Variants in UBXN7 observed in about 807,000 individuals in gnomAD.
UBXN7 encodes the protein UBX domain protein 7.
UBXN7 carries 9 observed loss-of-function variants against 58.0 expected under a neutral mutation model. The ratio of observed to expected loss-of-function variants is 0.16; its 90% CI spans 0.09 to 0.27. The LOEUF (loss-of-function observed/expected upper bound fraction) is 0.27. UBXN7 is among the 10% of genes least tolerant of loss of function. The probability of loss-of-function intolerance (pLI) is 1.00; values close to 1 mark genes in which losing one functional copy is unlikely to be tolerated. For missense variants in UBXN7, 328 were observed against 599.6 expected (o/e 0.55, Z 4.73); for synonymous variants, 208 against 205.0 (o/e 1.01, Z -0.12).
At chr3:196,417,066 A>T (rs191352862) in intron 1 of UBXN7, among the ~76,000 whole-genome samples, 1 of 152,146 alleles carries the variant, frequency 6.6e-6, no homozygotes, top group Non-Finnish European at 1.5e-5. Context: ...GTAATCCCAG[A>T]ACTTTGGGGG....
chr3:196,404,098 AAG>A (rs2108853366), intron 2 of UBXN7, among the ~76,000 whole-genome samples: 2 of 138,130 alleles, frequency 1.4e-5, no homozygotes, highest in African/African-American at 4.9e-5. Flanking sequence ...AAAAAAGAAA[AAG>A]AAAAAAAAAA....
intron 1 of UBXN7, 107 bp downstream of exon 1, chr3:196,432,220 T>C: frequency 6.8e-7 from 1 of 1,472,090 alleles, no homozygotes; most frequent in South Asian, 1.2e-5. Context: ...ACGGCAGCTG[T>C]GGGTAAAGCC....
rs775123756 is a variant in UBXN7, at chr3:196,371,887, CCTT to C, written c.615+6_615+8del. 527 of 1,608,206 alleles carry C rather than the reference CCTT, an allele frequency of 3.3e-4. No individual in the cohort carries two copies. The highest frequency in any genetic ancestry group is 4.2e-4 in the Non-Finnish European group (496 of 1,178,048). On this transcript the variant is annotated splice_donor_region_variant and intron_variant, in intron 6 of 10. Coordinates refer to ENST00000296328, the MANE Select transcript of UBXN7 (RefSeq NM_015562.2). ...TTCTACAAAACTTCTGATTAACTCT[CCTT>C]CTCACCTGCCAGAAAATGAAATGTT... is the stretch of plus-strand genomic sequence containing the variant.
Position 196,363,350 on chromosome 3 carries a change from G to T in UBXN7, c.835-663C>A, listed in dbSNP as rs567797537. Among the ~76,000 whole-genome samples, 3 of 150,844 alleles carry T rather than the reference G, an allele frequency of 2.0e-5. No individual in the cohort carries two copies. The East Asian group carries it at 5.9e-4, about 30-fold the overall frequency. Reference sequence around the variant, plus strand: ...CACTTCTGGATTCAAGTAAGCATACGCATTTTTTTAAATATCAAAATGAAG... The same window carrying T: ...CACTTCTGGATTCAAGTAAGCATACTCATTTTTTTAAATATCAAAATGAAG... On this transcript the variant is annotated intron_variant, in intron 8 of 10. Transcript: ENST00000296328.
intron 1 of UBXN7, among the ~76,000 whole-genome samples, chr3:196,421,986 G>A (rs1730704163): frequency 6.6e-6 from 1 of 152,050 alleles, no homozygotes; most frequent in East Asian, 1.9e-4. Flanking sequence ...ATCACTTGAG[G>A]CCAGGAGTTC....
chr3:196,390,456 T>C (rs894571290), intron 5 of UBXN7, among the ~76,000 whole-genome samples: 5 of 152,004 alleles, frequency 3.3e-5, no homozygotes, highest in Admixed American at 6.6e-5. Context: ...AAGACTTAAC[T>C]GAAGGCTGGG....
At chr3:196,387,536 C>T (rs554394755) in intron 5 of UBXN7, among the ~76,000 whole-genome samples, 126 of 152,114 alleles carry the variant, frequency 8.3e-4, no homozygotes, top group Admixed American at 2.8e-3. Context: ...TGCAATCTAC[C>T]CATCTGACAA....
At position 196,352,139 on chromosome 3, in the gene UBXN7, T is replaced by C. The variant is rs895175811; in HGVS notation, c.*4546A>G. The C allele has an allele frequency of 2.6e-5, 4 of 152,228 alleles. No individual in the cohort carries two copies. The highest frequency in any genetic ancestry group is 7.2e-5 in the African/African-American group (3 of 41,462). The allele number at this position is 152,228 out of a possible 1,614,324, so 9.4% of individuals were successfully genotyped here. On this transcript the variant is annotated 3_prime_UTR_variant, in exon 11 of 11. Transcript: ENST00000296328. This position sits in a 1 kb window ranked among gnomAD's most constrained non-coding sequence, Gnocchi z 4.1. ...GTTTAAGACTTTGCTAACTAAAACA[T>C]ATTCTTCCCTTTTTCTAAGTTTGAA...
chr3:196,361,686 ATTAAG>A (rs892037748), intron 10 of UBXN7, among the ~76,000 whole-genome samples, 153 bp downstream of exon 10: 9 of 152,178 alleles, frequency 5.9e-5, no homozygotes, highest in African/African-American at 2.2e-4. Flanking sequence ...GCTTTTTTTA[ATTAAG>A]TTATGTGCTT....
Position 196,402,968 on chromosome 3 carries a change from T to C in UBXN7, c.273A>G (p.Pro91=). 6.3e-7 allele frequency: 1 copy of C among 1,599,408 alleles called. No individual in the cohort carries two copies. Among genetic ancestry groups the C allele is most frequent in the Non-Finnish European group, 8.5e-7 (1 of 1,177,010 alleles). The change falls in exon 3 of 11, where the codon CCA becomes CCG. Residue 91 remains proline, a synonymous_variant. Transcript: ENST00000296328. ...TGAACTTACCACCAAATAATGGTTCTGGTTCCACCAGTATTTCCTGCTTTT... is the reference window on the plus strand; with the variant it reads ...TGAACTTACCACCAAATAATGGTTCCGGTTCCACCAGTATTTCCTGCTTTT... The part of the protein sequence containing the change: ...IPQKQEILVE[P]EPLFGAPKRR...
chr3:196,418,692 T>A (rs1409526233), intron 1 of UBXN7, among the ~76,000 whole-genome samples: 1 of 152,224 alleles, frequency 6.6e-6, no homozygotes, highest in Non-Finnish European at 1.5e-5. Context: ...ACAGTATGTA[T>A]GTATTCTAGA....
chr3:196,401,861 A>AGAAGAGAAGAGAAGAGAAGAGAAGAG (rs1560235910), intron 3 of UBXN7, among the ~76,000 whole-genome samples: 17 of 150,842 alleles, frequency 1.1e-4, no homozygotes, highest in East Asian at 5.8e-4. Flanking sequence ...AGAAGAGAAG[A>AGAAGAGAAGAGAAGAGAAGAGAAGAG]AAAACTACCT....
chr3:196,376,484 T>C (rs1218128978), intron 5 of UBXN7, among the ~76,000 whole-genome samples: 3 of 136,124 alleles, frequency 2.2e-5, no homozygotes, highest in African/African-American at 8.4e-5. Context: ...AGGCGGAGGT[T>C]GCAGTGAGCT....
rs1236702182 is a variant in UBXN7 at position 196,350,677 on chromosome 3, T to C, written c.*6008A>G. On this transcript the variant is annotated 3_prime_UTR_variant, in exon 11 of 11. Transcript: ENST00000296328. Reference sequence around the variant, plus strand: ...AAGAAATTCTTGATTCTATACTGTCTCTCTAGCAGGACTGACACACAGGTG... The same window carrying C: ...AAGAAATTCTTGATTCTATACTGTCCCTCTAGCAGGACTGACACACAGGTG... The C allele has an allele frequency of 6.6e-6, 1 of 150,552 alleles. No individual in the cohort carries two copies. The highest frequency in any genetic ancestry group is 6.7e-5 in the Admixed American group (1 of 15,036). The allele number at this position is 150,552 out of a possible 1,614,324, so 9.3% of individuals were successfully genotyped here.
At chr3:196,398,918 G>C (rs1451594710) in intron 3 of UBXN7, among the ~76,000 whole-genome samples, 1 of 151,560 alleles carries the variant, frequency 6.6e-6, no homozygotes, top group Non-Finnish European at 1.5e-5. Flanking sequence ...AAAGTGTTCG[G>C]ATTACAGGTG....
chr3:196,410,533 C>T (rs1730292324), intron 1 of UBXN7, among the ~76,000 whole-genome samples: 2 of 152,196 alleles, frequency 1.3e-5, no homozygotes, highest in African/African-American at 4.8e-5. Context: ...TTTAAAATCA[C>T]TTCATGGCAG....
Position 196,354,648 on chromosome 3 carries a change from A to G in UBXN7, c.*2037T>C, listed in dbSNP as rs1202745311. ...GACAGTATACAGCTCTATTTTTCAAACGGCAAGTATGTTATCCAAGTTCAG... is the reference window on the plus strand; with the variant it reads ...GACAGTATACAGCTCTATTTTTCAAGCGGCAAGTATGTTATCCAAGTTCAG... On this transcript the variant is annotated 3_prime_UTR_variant, in exon 11 of 11. Coordinates refer to ENST00000296328, the MANE Select transcript of UBXN7 (RefSeq NM_015562.2). 1 of 152,154 alleles carries G rather than the reference A, an allele frequency of 6.6e-6. No homozygotes were observed. The highest frequency in any genetic ancestry group is 1.5e-5 in the Non-Finnish European group (1 of 68,030). 9.4% of individuals were successfully genotyped at this position (152,154 alleles called of 1,614,324 possible).
At chr3:196,375,040 A>AAGGACGGAAGGAAGGG (rs1356697769) in intron 5 of UBXN7, among the ~76,000 whole-genome samples, 1 of 135,298 alleles carries the variant, frequency 7.4e-6, no homozygotes, top group Non-Finnish European at 1.6e-5. Flanking sequence ...GGAAGGAAGG[A>AAGGACGGAAGGAAGGG]AGGGAAAGGA....
intron 1 of UBXN7, among the ~76,000 whole-genome samples, chr3:196,410,098 C>G (rs1260891848): frequency 2.0e-5 from 3 of 151,960 alleles, no homozygotes; most frequent in Non-Finnish European, 4.4e-5. Context: ...TGCCACCACA[C>G]CGGGCTAATT....
Sources: gnomAD v4.1 joint callset for allele counts (sites outside exome capture counted in the v4.1 genomes callset) on GRCh38, gnomAD v4.1.1 for gene constraint, Gnocchi (gnomAD v3.1) non-coding constraint, MANE v1.5 for transcripts, NCBI Gene and HGNC (gene_info 2026-07-23, HGNC 2026-07-21) for gene names.